The following RUNX3 variants were observed in gnomAD, a reference collection of about 807,000 sequenced individuals.
RUNX3 encodes runt-related transcription factor 3.
Under a neutral mutation model 27.7 loss-of-function variants are expected in RUNX3, and 10 were observed. The ratio of observed to expected loss-of-function variants is 0.36; its 90% confidence interval spans 0.22 to 0.61. The LOEUF (loss-of-function observed/expected upper bound fraction) is 0.61. RUNX3 is among the 20% of genes least tolerant of loss of function. The pLI is 0.72. For synonymous variants in RUNX3, 270 were observed against 269.2 expected (o/e 1.00, Z -0.03); for missense variants, 469 against 629.5 (o/e 0.75, Z 2.73).
intron 2 of RUNX3, among the ~76,000 whole-genome samples, chr1:24,946,521 GA>G (rs907545775): frequency 6.6e-6 from 1 of 152,090 alleles, no homozygotes; most frequent in Non-Finnish European, 1.5e-5. Flanking sequence ...GATGGCAGGG[GA>G]CAAGTGGCTG....
At chr1:24,960,597 A>T (rs564537740) in intron 2 of RUNX3, among the ~76,000 whole-genome samples, 13 of 152,066 alleles carry the variant, frequency 8.5e-5, no homozygotes, top group African/African-American at 2.9e-4. Flanking sequence ...AGGGGCACCC[A>T]CTGCCAGTGT....
chr1:24,931,599 G>T (rs1294115490), upstream of RUNX3, among the ~76,000 whole-genome samples: 1 of 152,180 alleles, frequency 6.6e-6, no homozygotes, highest in Non-Finnish European at 1.5e-5. Context: ...CTCGACAGGT[G>T]CAAAACAATG....
chr1:24,950,731 G>T (rs1041382560), intron 2 of RUNX3, among the ~76,000 whole-genome samples: 49 of 152,128 alleles, frequency 3.2e-4, no homozygotes, highest in African/African-American at 1.1e-3. Context: ...CCTGCCCCTC[G>T]CTCAGAAGAG....
intron 3 of RUNX3, among the ~76,000 whole-genome samples, chr1:24,908,984 A>G (rs894597554): frequency 6.6e-6 from 1 of 152,176 alleles, no homozygotes; most frequent in Non-Finnish European, 1.5e-5. Flanking sequence ...TCTGCCTGGA[A>G]GCTGGGGTCA....
In RUNX3 at chr1:24,953,975, C is replaced by T. The variant is rs547189996; in HGVS notation, c.58+10539G>A. On this transcript the variant is annotated intron_variant, in intron 2 of 6. Coordinates refer to the RUNX3 transcript ENST00000338888. The stretch of plus-strand genomic sequence containing the variant: ...TCGCCCAAGCTAGAGTGCAGTGGCA[C>T]GATCATAGTTCACTGCAGCCTTCAC... Among the ~76,000 whole-genome samples, 4 of 152,170 alleles carry T rather than the reference C, an allele frequency of 2.6e-5. No individual in the cohort carries two copies. The South Asian group carries it at 6.2e-4, about 24-fold the overall frequency.
Position 24,903,012 on chromosome 1 carries a change from G to C in RUNX3, c.704-346C>G, listed in dbSNP as rs549340329. ...ATGCGGTGGTGGGGCTGAGGGCAGA[G>C]TCAGCTCAGGCCTCCCAGCAGCCCT... On this transcript the variant is annotated intron_variant, in intron 4 of 4. Coordinates refer to ENST00000308873, the MANE Select transcript of RUNX3 (RefSeq NM_004350.3). 1.6e-4 allele frequency among the ~76,000 whole-genome samples: 24 copies of C among 152,310 alleles called. No individual in the cohort carries two copies. The South Asian group carries it at 4.8e-3, about 30-fold the overall frequency.
At chr1:24,929,535 G>C (rs769333694) in intron 1 of RUNX3, 52 bp downstream of exon 1, 1 of 1,519,436 alleles carries the variant, frequency 6.6e-7, no homozygotes, top group Non-Finnish European at 8.9e-7. Flanking sequence ...CCGCAGCTCA[G>C]ACGCCCGGAG....
At chr1:24,925,956 G>A (rs1641091357) in intron 2 of RUNX3, among the ~76,000 whole-genome samples, 1 of 152,132 alleles carries the variant, frequency 6.6e-6, no homozygotes, top group Non-Finnish European at 1.5e-5. Context: ...ATCATTCTCA[G>A]TGTGCAGAAT....
At chr1:24,950,764 G>C (rs1193163921) in intron 2 of RUNX3, among the ~76,000 whole-genome samples, 1 of 152,174 alleles carries the variant, frequency 6.6e-6, no homozygotes, top group South Asian at 2.1e-4. Flanking sequence ...GAATACCAGG[G>C]CATATCTGCA....
chr1:24,910,419 G>A (rs181853023), intron 3 of RUNX3, among the ~76,000 whole-genome samples: 2 of 152,234 alleles, frequency 1.3e-5, no homozygotes, highest in African/African-American at 4.8e-5. Context: ...GTAGGTGGGA[G>A]GTAAAACAGA....
intron 2 of RUNX3, among the ~76,000 whole-genome samples, chr1:24,963,917 C>T (rs1225277246): frequency 2.0e-5 from 3 of 152,222 alleles, no homozygotes; most frequent in Non-Finnish European, 4.4e-5. Flanking sequence ...GTGGCCAAAT[C>T]CACGAACTTT....
intron 4 of RUNX3, 80 bp downstream of exon 4, chr1:24,907,179 T>A: frequency 1.4e-6 from 2 of 1,440,644 alleles, no homozygotes; most frequent in Non-Finnish European, 1.9e-6. Context: ...GGACAGGCTT[T>A]TGGTCTGGGG....
rs1640895695 is a variant in RUNX3 at position 24,916,697 on chromosome 1, A to C, written c.544+2543T>G. 6.6e-6 allele frequency among the ~76,000 whole-genome samples: 1 copy of C among 152,116 alleles called. No individual in the cohort carries two copies. The highest frequency in any genetic ancestry group is 2.1e-4 in the South Asian group (1 of 4,830). ...ATCTCAGGGCCAGGATATGCCAGGG[A>C]CAGGAACAGGCAGGTCCTAAGGATG... On this transcript the variant is annotated intron_variant, in intron 3 of 4. Transcript: ENST00000308873. The surrounding 1 kb of genome is among the most constrained non-coding windows in gnomAD (Gnocchi z 4.8).
intron 2 of RUNX3, among the ~76,000 whole-genome samples, chr1:24,952,324 T>A (rs1406756104): frequency 6.6e-6 from 1 of 152,186 alleles, no homozygotes; most frequent in Non-Finnish European, 1.5e-5. Flanking sequence ...TCCAGATGCA[T>A]CATCTCACCC....
At position 24,930,189 on chromosome 1, in the gene RUNX3, T is replaced by TGCC; in HGVS notation, c.-324_-322dup. The TGCC allele has an allele frequency of 2.0e-6, 2 of 979,166 alleles. No homozygotes were observed. The highest frequency in any genetic ancestry group is 2.4e-6 in the Non-Finnish European group (2 of 827,030). The allele number at this position is 979,166 out of a possible 1,614,324, so 60.7% of individuals were successfully genotyped here. Reference sequence around the variant, plus strand: ...CGGGGCCCGCGCGGGGCTGTGCCGCTGCCGCCGCCTCCCGCCCCGAAGCTC... The same window carrying TGCC: ...CGGGGCCCGCGCGGGGCTGTGCCGCTGCCGCCGCCGCCTCCCGCCCCGAAGCTC... On this transcript the variant is annotated 5_prime_UTR_variant, in exon 1 of 5. Transcript: ENST00000308873. This position sits in a 1 kb window ranked among gnomAD's most constrained non-coding sequence, Gnocchi z 4.1.
chr1:24,907,203 A>T lies in RUNX3; in HGVS notation c.703+56T>A, dbSNP rs568316641. 87 of 1,562,588 alleles carry T rather than the reference A, an allele frequency of 5.6e-5. No individual in the cohort carries two copies. In the East Asian group the frequency reaches 1.9e-3, roughly 34 times the overall value. On this transcript the variant is annotated intron_variant, in intron 4 of 4. Coordinates refer to ENST00000308873, the MANE Select transcript of RUNX3 (RefSeq NM_004350.3). ...TTTGGTCTGGGGCAGATTGGACCAC[A>T]TCGAGGCCCTCCACCCCCACCTCAC...
intron 2 of RUNX3, among the ~76,000 whole-genome samples, chr1:24,940,235 G>T (rs1641445049): frequency 6.6e-6 from 1 of 152,200 alleles, no homozygotes; most frequent in East Asian, 1.9e-4. Flanking sequence ...AGGATATTGT[G>T]CAGGGAGTTC....
At chr1:24,960,202 T>C (rs1642068916) in intron 2 of RUNX3, among the ~76,000 whole-genome samples, 1 of 152,206 alleles carries the variant, frequency 6.6e-6, no homozygotes, top group South Asian at 2.1e-4. Flanking sequence ...CTGACCCAGT[T>C]TCCCCCGGGC....
chr1:24,948,361 G>A (rs1219762078), intron 2 of RUNX3, among the ~76,000 whole-genome samples: 1 of 152,190 alleles, frequency 6.6e-6, no homozygotes, highest in Non-Finnish European at 1.5e-5. Context: ...GGTGGTGTGT[G>A]TTCACATGCA....
Sources: gnomAD v4.1 joint callset for allele counts (sites outside exome capture counted in the v4.1 genomes callset) on GRCh38, gnomAD v4.1.1 for gene constraint, Gnocchi (gnomAD v3.1) non-coding constraint, MANE v1.5 for transcripts, NCBI Gene and HGNC (gene_info 2026-07-23, HGNC 2026-07-21) for gene names.